Variants in PPP1R13B observed in about 807,000 individuals in gnomAD.
PPP1R13B encodes protein phosphatase 1 regulatory subunit 13B, also known as apoptosis-stimulating of p53 protein 1.
In PPP1R13B, 44 loss-of-function variants were observed where a neutral mutation model predicts 119.8. That is an observed-to-expected ratio of 0.37 (90% CI 0.29 to 0.47). The LOEUF (loss-of-function observed/expected upper bound fraction) is 0.47. PPP1R13B is among the 20% of genes least tolerant of loss of function. The pLI is 0.99. For missense variants in PPP1R13B, 1,227 were observed against 1,413.5 expected, an observed-to-expected ratio of 0.87 and a Z score of 2.12; for synonymous variants, 542 against 561.5, an observed-to-expected ratio of 0.97 and a Z score of 0.49.
intron 9 of PPP1R13B, among the ~76,000 whole-genome samples, chr14:103,744,617 AC>A (rs1158712927): frequency 1.3e-5 from 2 of 152,250 alleles, no homozygotes; most frequent in African/African-American, 4.8e-5. Context: ...CATACGGTTT[AC>A]AAATGGGCTT....
intron 1 of PPP1R13B, among the ~76,000 whole-genome samples, chr14:103,822,948 G>A (rs1354393224): frequency 6.6e-6 from 1 of 152,178 alleles, no homozygotes; most frequent in African/African-American, 2.4e-5. Context: ...CTCAAGAGAT[G>A]CTTGACACCT....
intron 4 of PPP1R13B, among the ~76,000 whole-genome samples, chr14:103,760,264 C>T (rs1175819022): frequency 6.6e-6 from 1 of 152,200 alleles, no homozygotes; most frequent in Non-Finnish European, 1.5e-5. Context: ...AGGCCTATCA[C>T]TGTATTACAT....
chr14:103,811,363 A>T (rs903570143), intron 1 of PPP1R13B, among the ~76,000 whole-genome samples: 1 of 152,092 alleles, frequency 6.6e-6, no homozygotes, highest in East Asian at 1.9e-4. Flanking sequence ...TGCAAAGTAC[A>T]TATTTGATAA....
intron 3 of PPP1R13B, among the ~76,000 whole-genome samples, chr14:103,782,564 G>A (rs1271160076): frequency 6.6e-6 from 1 of 152,182 alleles, no homozygotes; most frequent in Non-Finnish European, 1.5e-5. Flanking sequence ...TCCTTCTATA[G>A]AAGGTGCCAA....
At chr14:103,779,504 G>A (rs917937285) in intron 3 of PPP1R13B, among the ~76,000 whole-genome samples, 2 of 151,430 alleles carry the variant, frequency 1.3e-5, no homozygotes, top group Non-Finnish European at 2.9e-5. Flanking sequence ...GCTCATGTCT[G>A]TATTCCCAGC....
At chr14:103,792,522 AG>A (rs1400563809) in intron 2 of PPP1R13B, among the ~76,000 whole-genome samples, 1 of 152,172 alleles carries the variant, frequency 6.6e-6, no homozygotes, top group African/African-American at 2.4e-5. Context: ...TATTTTTTTA[AG>A]GAAGTTTAAC....
At chr14:103,823,775 G>A (rs750190311) in intron 1 of PPP1R13B, among the ~76,000 whole-genome samples, 6 of 151,866 alleles carry the variant, frequency 4.0e-5, no homozygotes, top group Non-Finnish European at 7.4e-5. Flanking sequence ...AAGCCTGCCA[G>A]AAATCCTGTT....
At chr14:103,835,192 G>A (rs772079519) in intron 1 of PPP1R13B, among the ~76,000 whole-genome samples, 6 of 152,116 alleles carry the variant, frequency 3.9e-5, no homozygotes, top group Non-Finnish European at 5.9e-5. Context: ...GCATGAAGAC[G>A]GCTCACTGCA....
In PPP1R13B at chr14:103,805,544, T is replaced by G. The variant is rs142998149; in HGVS notation, c.10-8026A>C. Among the ~76,000 whole-genome samples, 553 of 151,420 alleles carry G rather than the reference T, an allele frequency of 3.7e-3. 5 individuals are homozygous for G. Among genetic ancestry groups the G allele is most frequent in the African/African-American group, 0.013 (536 of 41,238 alleles). ...TGTGATCATGCCACTGCACTCCAGC[T>G]TGAGTGACAGAGCGAGATGCTGTCT... On this transcript the variant is annotated intron_variant, in intron 1 of 16. Transcript: ENST00000202556.
rs778456667 is a variant in PPP1R13B, at chr14:103,749,869, C to T, written c.894G>A (p.Lys298=). 2 of 1,614,058 alleles carry T rather than the reference C, an allele frequency of 1.2e-6. No individual in the cohort carries two copies. Among genetic ancestry groups the T allele is most frequent in the African/African-American group, 1.3e-5 (1 of 74,926 alleles). The part of the protein sequence containing the change: ...KLQQQKELLN[K]RNMEVAMMDK... ...CCATCATGGCCACCTCCATGTTGCG[C>T]TTATTTAAGAGTTCCTTCTGCTGCT... Residue 298 remains lysine, a synonymous_variant, in exon 8 of 17, where the codon AAG becomes AAA. Coordinates refer to ENST00000202556, the MANE Select transcript of PPP1R13B (RefSeq NM_015316.3).
chr14:103,794,665 TAAA>T, intron 2 of PPP1R13B: 34 of 394,256 alleles, frequency 8.6e-5, no homozygotes, highest in Middle Eastern at 3.8e-4. Context: ...CTCTGAAACC[TAAA>T]AAAAAAAAAA....
chr14:103,776,846 T>C (rs1216852381), intron 4 of PPP1R13B, among the ~76,000 whole-genome samples: 3 of 148,790 alleles, frequency 2.0e-5, no homozygotes, highest in Non-Finnish European at 4.5e-5. Flanking sequence ...CACTCCAGCC[T>C]GGGCGACAGA....
intron 7 of PPP1R13B, among the ~76,000 whole-genome samples, chr14:103,752,675 C>G (rs1184635518): frequency 6.6e-6 from 1 of 151,752 alleles, no homozygotes; most frequent in Admixed American, 6.6e-5. Context: ...GCTGAGACTA[C>G]GGGCATGCGC....
At chr14:103,805,010 T>A (rs111970041) in intron 1 of PPP1R13B, among the ~76,000 whole-genome samples, 2 of 152,206 alleles carry the variant, frequency 1.3e-5, no homozygotes, top group African/African-American at 2.4e-5. Flanking sequence ...CTAATTTTTT[T>A]ATTTTCAGTA....
At chr14:103,827,591 T>G (rs1416200102) in intron 1 of PPP1R13B, among the ~76,000 whole-genome samples, 2 of 148,356 alleles carry the variant, frequency 1.3e-5, no homozygotes, top group African/African-American at 5.1e-5. Flanking sequence ...TAGTGTGATA[T>G]CTGGTGTATG....
chr14:103,811,698 T>C (rs1169192877), intron 1 of PPP1R13B, among the ~76,000 whole-genome samples: 3 of 151,698 alleles, frequency 2.0e-5, no homozygotes, highest in South Asian at 2.1e-4. Context: ...AATAAATAAA[T>C]ACATAAAGGA....
At chr14:103,755,609 AGGCAC>A (rs1027778008) in intron 5 of PPP1R13B, among the ~76,000 whole-genome samples, 20 of 152,248 alleles carry the variant, frequency 1.3e-4, no homozygotes, top group African/African-American at 4.8e-4. Context: ...GTGATTATGA[AGGCAC>A]TACATACTAC....
In PPP1R13B at chr14:103,742,827, G is replaced by C; in HGVS notation, c.1151-4C>G. The stretch of plus-strand genomic sequence containing the variant: ...GTTGGCCAGTTTCCATCATTAGCTT[G>C]AAAAGAACACAGAACTTACGTAAAA... On this transcript the variant is annotated splice_polypyrimidine_tract_variant and splice_region_variant and intron_variant, in intron 9 of 16. Coordinates refer to ENST00000202556, the MANE Select transcript of PPP1R13B (RefSeq NM_015316.3). The surrounding 1 kb of genome is among the most constrained non-coding windows in gnomAD (Gnocchi z 4.9). 1 of 1,613,846 alleles carries C rather than the reference G, an allele frequency of 6.2e-7. No individual in the cohort carries two copies. The highest frequency in any genetic ancestry group is 8.5e-7 in the Non-Finnish European group (1 of 1,179,962).
intron 1 of PPP1R13B, among the ~76,000 whole-genome samples, chr14:103,799,345 AT>A (rs1446563746): frequency 6.6e-6 from 1 of 151,772 alleles, no homozygotes; most frequent in African/African-American, 2.4e-5. Context: ...CGCCCGGCTA[AT>A]TTTTTGTATT....
Sources: gnomAD v4.1 joint callset for allele counts (sites outside exome capture counted in the v4.1 genomes callset) on GRCh38, gnomAD v4.1.1 for gene constraint, Gnocchi (gnomAD v3.1) non-coding constraint, MANE v1.5 for transcripts, NCBI Gene and HGNC (gene_info 2026-07-23, HGNC 2026-07-21) for gene names.